The following DOCK10 variants were observed in gnomAD, a reference collection of about 807,000 sequenced individuals.
DOCK10 encodes dedicator of cytokinesis 10, also known as dedicator of cytokinesis protein 10.
In DOCK10, 145 loss-of-function variants were observed where a neutral mutation model predicts 280.1. The ratio of observed to expected loss-of-function variants is 0.52; its 90% CI spans 0.45 to 0.59. The LOEUF (loss-of-function observed/expected upper bound fraction) is 0.59, where lower values mean the gene tolerates loss of function less well. DOCK10 is among the 20% of genes least tolerant of loss of function. DOCK10 has a pLI of 0.00. For synonymous variants in DOCK10, 915 were observed against 942.2 expected (o/e 0.97, Z 0.53); for missense variants, 2,368 against 2,651.7 (o/e 0.89, Z 2.35).
intron 1 of DOCK10, among the ~76,000 whole-genome samples, chr2:225,011,353 C>T (rs1315914506): frequency 6.6e-6 from 1 of 152,170 alleles, no homozygotes; most frequent in East Asian, 1.9e-4. Context: ...CTGGAAGTTT[C>T]AGCTTCCTAA....
intron 33 of DOCK10, 136 bp from the exon 34 acceptor site, chr2:224,806,373 C>T (rs1422758870): frequency 3.9e-6 from 2 of 514,352 alleles, no homozygotes; most frequent in Non-Finnish European, 6.7e-6. Flanking sequence ...AGGTTTTCTG[C>T]TAAAGTAGGC....
chr2:224,802,828 C>T (rs900788371), intron 39 of DOCK10, among the ~76,000 whole-genome samples: 1 of 152,132 alleles, frequency 6.6e-6, no homozygotes, highest in Non-Finnish European at 1.5e-5. Context: ...TGAAGTATCT[C>T]CTAATTCCTC....
intron 50 of DOCK10, among the ~76,000 whole-genome samples, chr2:224,781,919 T>C (rs1029991457): frequency 1.6e-4 from 24 of 152,098 alleles, no homozygotes; most frequent in African/African-American, 5.8e-4. Context: ...TGTCAAATAT[T>C]AGGGCCCCTG....
At chr2:224,769,538 G>T (rs1690278044) in intron 55 of DOCK10, among the ~76,000 whole-genome samples, 1 of 152,214 alleles carries the variant, frequency 6.6e-6, no homozygotes, top group African/African-American at 2.4e-5. Flanking sequence ...GAGTGTGGGG[G>T]TATGGATTCT....
chr2:225,001,503 TG>T (rs1262895583), intron 1 of DOCK10, among the ~76,000 whole-genome samples: 1 of 151,998 alleles, frequency 6.6e-6, no homozygotes, highest in African/African-American at 2.4e-5. Flanking sequence ...TTAGCCAGGA[TG>T]GTCTTGATCT....
chr2:224,932,837 G>A (rs1047391573), intron 1 of DOCK10, among the ~76,000 whole-genome samples: 1 of 151,986 alleles, frequency 6.6e-6, no homozygotes, highest in Non-Finnish European at 1.5e-5. Context: ...AACTTTCATT[G>A]ACATTTTAAT....
At chr2:224,807,813 A>G in intron 32 of DOCK10, 29 bp from the exon 33 acceptor site, 1 of 1,565,350 alleles carries the variant, frequency 6.4e-7, no homozygotes, top group Non-Finnish European at 8.7e-7. Flanking sequence ...AAAAGAAATG[A>G]TTCATGTAAA....
chr2:224,933,871 T>G (rs1702537715), intron 1 of DOCK10, among the ~76,000 whole-genome samples: 1 of 152,182 alleles, frequency 6.6e-6, no homozygotes, highest in Non-Finnish European at 1.5e-5. Context: ...CTCACTATCT[T>G]TTAAATTTTA....
chr2:224,791,723 C>T (rs1162867472), intron 47 of DOCK10, among the ~76,000 whole-genome samples: 2 of 151,828 alleles, frequency 1.3e-5, no homozygotes, highest in Non-Finnish European at 2.9e-5. Flanking sequence ...ATCCACCTGC[C>T]TTGGTCTCCC....
chr2:224,858,673 A>G lies in DOCK10; in HGVS notation c.1686-1691T>C, dbSNP rs1212592856. 5.3e-5 allele frequency among the ~76,000 whole-genome samples: 8 copies of G among 152,162 alleles called. No homozygotes were observed. In the East Asian group the frequency reaches 5.8e-4, roughly 11 times the overall value. On this transcript the variant is annotated intron_variant, in intron 14 of 55. Coordinates refer to ENST00000258390, the MANE Select transcript of DOCK10 (RefSeq NM_014689.3). Reference sequence around the variant, plus strand: ...GTCTCAAAAAAATGTGTATATATATATATCTGGCAGGAGAAAAAAGAACTG... The same window carrying G: ...GTCTCAAAAAAATGTGTATATATATGTATCTGGCAGGAGAAAAAAGAACTG...
At chr2:224,847,518 T>G (rs1696443401) in intron 19 of DOCK10, among the ~76,000 whole-genome samples, 1 of 152,288 alleles carries the variant, frequency 6.6e-6, no homozygotes, top group South Asian at 2.1e-4. Context: ...AGGAAACACA[T>G]GAGAATGAGA....
intron 31 of DOCK10, among the ~76,000 whole-genome samples, chr2:224,810,476 C>CT (rs1359164370): frequency 6.6e-6 from 1 of 151,474 alleles, no homozygotes; most frequent in East Asian, 1.9e-4. Context: ...CTATTTTTTT[C>CT]TTTTTTTAAA....
chr2:224,984,525 C>T (rs1409076846), intron 1 of DOCK10, among the ~76,000 whole-genome samples: 1 of 152,196 alleles, frequency 6.6e-6, no homozygotes, highest in Non-Finnish European at 1.5e-5. Context: ...CTCTCTCATT[C>T]TGTCTCCTCT....
Position 224,805,324 on chromosome 2 carries a change from G to C in DOCK10, c.3937-4C>G. 1.2e-6 allele frequency: 2 copies of C among 1,612,728 alleles called. No homozygotes were observed. Among genetic ancestry groups the C allele is most frequent in the Non-Finnish European group, 1.7e-6 (2 of 1,179,150 alleles). ...TCAAAGACAAGGGTCTTGGGATCTGGGAATTCAAGAACCAATCAGGATTGA... is the reference window on the plus strand; with the variant it reads ...TCAAAGACAAGGGTCTTGGGATCTGCGAATTCAAGAACCAATCAGGATTGA... On this transcript the variant is annotated splice_polypyrimidine_tract_variant and splice_region_variant and intron_variant, in intron 35 of 55. Transcript: ENST00000258390. This position sits in a 1 kb window ranked among gnomAD's most constrained non-coding sequence, Gnocchi z 4.3.
At chr2:224,833,111 G>A (rs1695342210) in intron 26 of DOCK10, among the ~76,000 whole-genome samples, 1 of 152,208 alleles carries the variant, frequency 6.6e-6, no homozygotes, top group Non-Finnish European at 1.5e-5. Context: ...TCAAGTGGTT[G>A]TGGTCTCCAT....
intron 1 of DOCK10, among the ~76,000 whole-genome samples, chr2:224,967,082 C>CA (rs1704793357): frequency 7.0e-6 from 1 of 142,964 alleles, no homozygotes. Context: ...ATCCTCTAGT[C>CA]TTTTTTTTTT....
rs71410336 is a variant in DOCK10 at position 224,870,815 on chromosome 2, A to ATTTTTTTTT, written c.1257+3172_1257+3180dup. ...TTGTATTTCCATTCATGGCCACTCC[A>ATTTTTTTTT]TTTTTTTTTTTTTTTTTTTTTTTTT... On this transcript the variant is annotated intron_variant, in intron 11 of 55. Transcript: ENST00000258390. Among the ~76,000 whole-genome samples, 203 of 52,618 alleles carry ATTTTTTTTT rather than the reference A, an allele frequency of 3.9e-3. 46 individuals carry two copies. The highest frequency in any genetic ancestry group is 0.012 in the African/African-American group (119 of 9,704). The allele number at this position is 52,618 out of a possible 152,430, so 34.5% of individuals were successfully genotyped here.
intron 1 of DOCK10, among the ~76,000 whole-genome samples, chr2:225,035,554 A>ATTTATATATATATAT (rs1459295270): frequency 4.0e-5 from 1 of 25,242 alleles, no homozygotes; most frequent in Non-Finnish European, 8.1e-5. Context: ...ATATATATAT[A>ATTTATATATATATAT]TATATATATA....
chr2:224,982,589 A>C, intron 1 of DOCK10: 1 of 879,428 alleles, frequency 1.1e-6, no homozygotes, highest in Non-Finnish European at 1.4e-6. Flanking sequence ...ATATTAGAGC[A>C]CTGCGCTCAG....
Sources: gnomAD v4.1 joint callset for allele counts (sites outside exome capture counted in the v4.1 genomes callset) on GRCh38, gnomAD v4.1.1 for gene constraint, Gnocchi (gnomAD v3.1) non-coding constraint, MANE v1.5 for transcripts, NCBI Gene and HGNC (gene_info 2026-07-23, HGNC 2026-07-21) for gene names.